The following PRKCE variants were observed in gnomAD, a reference collection of about 807,000 sequenced individuals.
PRKCE encodes protein kinase C epsilon, also known as protein kinase C epsilon type.
A neutral mutation model predicts 85.4 loss-of-function variants in PRKCE; 16 were observed. The observed-to-expected ratio is 0.19, with a 90% CI of 0.13 to 0.28. The LOEUF (loss-of-function observed/expected upper bound fraction) is 0.28, where lower values mean the gene tolerates loss of function less well. Among genes scored for constraint, PRKCE ranks in the 10% least tolerant of loss-of-function variants. The pLI is 1.00. For synonymous variants in PRKCE, 388 were observed against 371.5 expected (o/e 1.04, Z -0.51); for missense variants, 573 against 975.2 (o/e 0.59, Z 5.49).
intron 2 of PRKCE, among the ~76,000 whole-genome samples, chr2:45,879,087 C>G (rs1029052314): frequency 1.1e-4 from 17 of 152,166 alleles, no homozygotes; most frequent in African/African-American, 3.9e-4. Context: ...CGAATGTTGC[C>G]TTTTCCAAAG....
intron 10 of PRKCE, among the ~76,000 whole-genome samples, chr2:46,063,333 G>A (rs1276101065): frequency 1.3e-5 from 2 of 150,216 alleles, no homozygotes; most frequent in African/African-American, 4.9e-5. Context: ...ATGTGTAAGA[G>A]CCTGAAGTTG....
At chr2:45,721,464 C>T (rs971483807) in intron 1 of PRKCE, among the ~76,000 whole-genome samples, 3 of 152,048 alleles carry the variant, frequency 2.0e-5, no homozygotes, top group Non-Finnish European at 4.4e-5. Flanking sequence ...AATTCTCAGA[C>T]GGATGGGGCT....
At chr2:46,116,677 C>G (rs564333031) in intron 11 of PRKCE, among the ~76,000 whole-genome samples, 2 of 152,266 alleles carry the variant, frequency 1.3e-5, no homozygotes, top group African/African-American at 4.8e-5. Context: ...CCACCCTCCT[C>G]TGTGGCTGGC....
chr2:45,755,385 A>G (rs1053503273), intron 1 of PRKCE, among the ~76,000 whole-genome samples: 2 of 152,206 alleles, frequency 1.3e-5, no homozygotes, highest in African/African-American at 4.8e-5. Context: ...TATGATACAG[A>G]AATAAATCTG....
At chr2:46,109,409 G>A (rs1672046544) in intron 11 of PRKCE, among the ~76,000 whole-genome samples, 1 of 152,052 alleles carries the variant, frequency 6.6e-6, no homozygotes, top group African/African-American at 2.4e-5. Flanking sequence ...TCTACATACA[G>A]ATCCTATACA....
At chr2:46,169,753 G>T (rs1678708153) in intron 14 of PRKCE, among the ~76,000 whole-genome samples, 1 of 152,118 alleles carries the variant, frequency 6.6e-6, no homozygotes, top group Non-Finnish European at 1.5e-5. Context: ...CAGACTTCCT[G>T]GGAGGCGTGG....
At chr2:46,137,696 G>A (rs1334708728) in intron 11 of PRKCE, among the ~76,000 whole-genome samples, 2 of 151,198 alleles carry the variant, frequency 1.3e-5, no homozygotes, top group African/African-American at 4.9e-5. Context: ...CTGGGAGGCA[G>A]AGGGTGCACC....
intron 2 of PRKCE, among the ~76,000 whole-genome samples, chr2:45,902,912 A>G (rs1027119309): frequency 1.3e-5 from 2 of 152,186 alleles, no homozygotes; most frequent in Admixed American, 6.5e-5. Flanking sequence ...CTGCAAGACT[A>G]CTCAGGCCTT....
At chr2:45,966,060 C>G (rs1701707821) in intron 2 of PRKCE, among the ~76,000 whole-genome samples, 1 of 152,030 alleles carries the variant, frequency 6.6e-6, no homozygotes, top group South Asian at 2.1e-4. Context: ...TGGGACTAGG[C>G]TATTTTGCCA....
chr2:45,670,283 C>T (rs1051685214), intron 1 of PRKCE, among the ~76,000 whole-genome samples: 5 of 152,116 alleles, frequency 3.3e-5, no homozygotes, highest in African/African-American at 9.7e-5. Flanking sequence ...GTATAGGCTC[C>T]ATTTTTCTTT....
chr2:45,800,519 G>A (rs1177382123), intron 1 of PRKCE, among the ~76,000 whole-genome samples: 1 of 152,224 alleles, frequency 6.6e-6, no homozygotes, highest in Non-Finnish European at 1.5e-5. Flanking sequence ...CTTGCCAATA[G>A]GCAATGAGAG....
intron 1 of PRKCE, among the ~76,000 whole-genome samples, chr2:45,803,773 A>G (rs556158543): frequency 6.6e-6 from 1 of 152,370 alleles, no homozygotes; most frequent in South Asian, 2.1e-4. Context: ...GAAATGTTTT[A>G]ATAACAGAGT....
intron 2 of PRKCE, among the ~76,000 whole-genome samples, chr2:45,871,273 C>G (rs941041958): frequency 6.6e-6 from 1 of 152,224 alleles, no homozygotes; most frequent in Non-Finnish European, 1.5e-5. Flanking sequence ...ATTTCATGCT[C>G]TCCCTGGTGA....
At chr2:45,914,178 G>T (rs1306755555) in intron 2 of PRKCE, among the ~76,000 whole-genome samples, 1 of 152,200 alleles carries the variant, frequency 6.6e-6, no homozygotes, top group Non-Finnish European at 1.5e-5. Context: ...TGCTATGAAG[G>T]CATTAAGGAG....
intron 1 of PRKCE, among the ~76,000 whole-genome samples, chr2:45,659,286 G>T (rs1435947629): frequency 6.6e-6 from 1 of 152,148 alleles, no homozygotes; most frequent in Non-Finnish European, 1.5e-5. Flanking sequence ...ACCTTGAGGG[G>T]CCATCCTTGA....
chr2:45,843,144 G>C lies in PRKCE; in HGVS notation c.412+81G>C, dbSNP rs1038029603. 7.7e-5 allele frequency: 95 copies of C among 1,229,548 alleles called. 4 individuals carry two copies. The South Asian group carries it at 1.1e-3, about 15-fold the overall frequency. The allele number at this position is 1,229,548 out of a possible 1,614,324, so 76.2% of individuals were successfully genotyped here. On this transcript the variant is annotated intron_variant, in intron 2 of 14. Coordinates refer to ENST00000306156, the MANE Select transcript of PRKCE (RefSeq NM_005400.3). ...GGTCTCTTCTTTCCCCCCCTTGGCC[G>C]GAACACATTATAGTGACATTTAATT...
chr2:45,792,815 T>C (rs1217071370), intron 1 of PRKCE, among the ~76,000 whole-genome samples: 1 of 152,236 alleles, frequency 6.6e-6, no homozygotes, highest in Non-Finnish European at 1.5e-5. Flanking sequence ...ATTTTTTTTG[T>C]TGAGACAGAG....
At chr2:45,964,921 A>G (rs979314191) in intron 2 of PRKCE, among the ~76,000 whole-genome samples, 6 of 152,344 alleles carry the variant, frequency 3.9e-5, no homozygotes, top group South Asian at 2.1e-4. Context: ...ATACCTGGAC[A>G]GAGCATAAAT....
chr2:45,737,114 G>A (rs968867307), intron 1 of PRKCE, among the ~76,000 whole-genome samples: 2 of 152,186 alleles, frequency 1.3e-5, no homozygotes, highest in Non-Finnish European at 2.9e-5. Context: ...GGGGTTGGGG[G>A]CTGGACGACT....
Sources: allele counts gnomAD v4.1 joint callset (sites outside exome capture counted in the v4.1 genomes callset), GRCh38; gene constraint gnomAD v4.1.1; transcripts MANE v1.5; gene names NCBI Gene and HGNC (gene_info 2026-07-23, HGNC 2026-07-21).